Variants in CEP43 observed in about 807,000 individuals in gnomAD.
CEP43 encodes the protein centrosomal protein 43.
Under a neutral mutation model 52.6 loss-of-function variants are expected in CEP43, and 36 were observed. That is an observed-to-expected ratio of 0.68 (90% CI 0.52 to 0.90). CEP43 has a LOEUF of 0.90. Among genes scored for constraint, CEP43 ranks in the 40% least tolerant of loss-of-function variants. The pLI is 0.00. For synonymous variants in CEP43, 192 were observed against 172.4 expected, an observed-to-expected ratio of 1.11 and a Z score of -0.89; for missense variants, 506 against 472.8, an observed-to-expected ratio of 1.07 and a Z score of -0.65.
At chr6:167,026,473 G>T in intron 9 of CEP43, 74 bp from the exon 10 acceptor site, 1 of 941,052 alleles carries the variant, frequency 1.1e-6, no homozygotes, top group South Asian at 1.4e-5. Flanking sequence ...ATTGAACAAC[G>T]ACAAAAATTG....
intron 7 of CEP43, among the ~76,000 whole-genome samples, chr6:167,016,995 T>TTA (rs1562527248): frequency 6.7e-6 from 1 of 150,208 alleles, no homozygotes; most frequent in Admixed American, 6.6e-5. Flanking sequence ...TATTTATTTT[T>TTA]TTTTTTTTTT....
chr6:167,031,053 T>C (rs1780460308), intron 10 of CEP43, among the ~76,000 whole-genome samples: 1 of 152,178 alleles, frequency 6.6e-6, no homozygotes, highest in Admixed American at 6.5e-5. Context: ...ACATTTTTTT[T>C]GAGACAGTAT....
At chr6:167,000,011 GA>G in intron 1 of CEP43, 48 bp from the exon 2 acceptor site, 1 of 1,512,118 alleles carries the variant, frequency 6.6e-7, no homozygotes, top group Non-Finnish European at 9.2e-7. Flanking sequence ...AGCTTGTTGT[GA>G]AAATTGTCTT....
intron 7 of CEP43, among the ~76,000 whole-genome samples, chr6:167,022,066 C>T (rs1780245007): frequency 6.6e-6 from 1 of 152,080 alleles, no homozygotes; most frequent in South Asian, 2.1e-4. Context: ...GAAATTGTTT[C>T]TCAATGGGAA....
intron 8 of CEP43, among the ~76,000 whole-genome samples, chr6:167,023,237 T>C (rs540004896): frequency 1.3e-5 from 2 of 152,116 alleles, no homozygotes; most frequent in South Asian, 4.2e-4. Flanking sequence ...CGGCTTTTCT[T>C]TGAGACTGGA....
At chr6:167,013,478 G>T in intron 6 of CEP43, 30 bp from the exon 7 acceptor site, 1 of 1,560,042 alleles carries the variant, frequency 6.4e-7, no homozygotes, top group South Asian at 1.1e-5. Flanking sequence ...TCTATTTTGT[G>T]GTAAAATCTC....
chr6:167,029,575 G>A (rs73030105), intron 10 of CEP43, among the ~76,000 whole-genome samples: 3,090 of 152,338 alleles, frequency 0.02, 53 homozygotes, highest in East Asian at 0.092. Context: ...TGCTTAACCT[G>A]TATGTATTCT....
At chr6:167,006,078 G>A (rs1284259358) in intron 5 of CEP43, among the ~76,000 whole-genome samples, 1 of 152,200 alleles carries the variant, frequency 6.6e-6, no homozygotes, top group East Asian at 1.9e-4. Flanking sequence ...TCTGCAACAT[G>A]GAGATCACAG....
At chr6:167,030,018 C>T (rs551501827) in intron 10 of CEP43, among the ~76,000 whole-genome samples, 1 of 152,218 alleles carries the variant, frequency 6.6e-6, no homozygotes, top group Non-Finnish European at 1.5e-5. Context: ...AGAAACAAAT[C>T]ACAATGGTGG....
In CEP43 at chr6:167,050,804, A is replaced by AAAAAG. The variant is rs1562539565; in HGVS notation, c.*10826_*10827insAAAAG. Reference sequence around the variant, plus strand: ...AAGAAAAAAAAAAAAAAAAAAAAAAAGAAAGAAAATGAGACATTGGATTTG... The same window carrying AAAAAG: ...AAGAAAAAAAAAAAAAAAAAAAAAAAAAAAGGAAAGAAAATGAGACATTGGATTTG... On this transcript the variant is annotated 3_prime_UTR_variant, in exon 13 of 13. Transcript: ENST00000366847. The AAAAAG allele has an allele frequency of 7.0e-6, 1 of 143,224 alleles. No homozygotes were observed. The highest frequency in any genetic ancestry group is 2.6e-5 in the African/African-American group (1 of 39,164). The allele number at this position is 143,224 out of a possible 1,614,324, so 8.9% of individuals were successfully genotyped here.
intron 12 of CEP43, chr6:167,036,320 T>C (rs1483612921): frequency 1.0e-6 from 1 of 985,204 alleles, no homozygotes; most frequent in Non-Finnish European, 1.2e-6. Flanking sequence ...ATTCCAGAGC[T>C]TCACTGGAGG....
At chr6:167,022,736 T>C in intron 8 of CEP43, 101 bp downstream of exon 8, 1 of 798,404 alleles carries the variant, frequency 1.3e-6, no homozygotes, top group Non-Finnish European at 2.0e-6. Context: ...AGGTTTATAA[T>C]TATTGGATCC....
intron 10 of CEP43, among the ~76,000 whole-genome samples, chr6:167,032,141 C>T (rs1019122749): frequency 2.0e-5 from 3 of 152,192 alleles, no homozygotes; most frequent in Admixed American, 2.0e-4. Flanking sequence ...AGGCCTGAGC[C>T]TGGCTCTGTC....
intron 7 of CEP43, among the ~76,000 whole-genome samples, chr6:167,018,934 T>G (rs901329214): frequency 3.9e-5 from 6 of 152,194 alleles, no homozygotes; most frequent in African/African-American, 1.4e-4. Flanking sequence ...TTTTTGACTT[T>G]ATGATGGTAC....
intron 12 of CEP43, among the ~76,000 whole-genome samples, chr6:167,039,418 T>TG (rs1245297412): frequency 6.6e-6 from 1 of 152,242 alleles, no homozygotes; most frequent in Non-Finnish European, 1.5e-5. Flanking sequence ...CATGAGCCAC[T>TG]GCGCCTGGCC....
intron 6 of CEP43, among the ~76,000 whole-genome samples, chr6:167,012,987 G>A (rs763828511): frequency 1.3e-5 from 2 of 152,124 alleles, no homozygotes; most frequent in African/African-American, 2.4e-5. Flanking sequence ...AATTTCTCTA[G>A]TACTAAAGGA....
intron 10 of CEP43, among the ~76,000 whole-genome samples, chr6:167,031,879 C>T (rs1780478642): frequency 6.6e-6 from 1 of 151,930 alleles, no homozygotes; most frequent in Non-Finnish European, 1.5e-5. Context: ...GAAGGTGCCC[C>T]CTCTGTCAGA....
intron 12 of CEP43, chr6:167,036,661 C>G: frequency 1.5e-5 from 15 of 985,134 alleles, no homozygotes; most frequent in Non-Finnish European, 1.8e-5. Context: ...TCCTTTGTTT[C>G]CCTTTCAAGA....
At position 166,999,505 on chromosome 6, in the gene CEP43, C is replaced by G. The variant is rs768817890; in HGVS notation, c.93C>G (p.Asn31Lys). ...CGCTGGAGAACAGCGGGGTCCTGAA[C>G]CGCATCAAGGTGAGGCCGGAGGCTG... ...VQTLENSGVL[N>K]RIKAELRAAV... is the part of the protein sequence containing the mutation. The change falls in exon 1 of 13, where the codon AAC becomes AAG. Residue 31 changes from asparagine to lysine, a missense_variant. Transcript: ENST00000366847. 2.7e-6 allele frequency: 4 copies of G among 1,458,990 alleles called. No individual in the cohort carries two copies. Among genetic ancestry groups the G allele is most frequent in the South Asian group, 2.8e-5 (2 of 72,522 alleles). 90.4% of individuals were successfully genotyped at this position (1,458,990 alleles called of 1,614,324 possible).
Sources: gnomAD v4.1 joint callset for allele counts (sites outside exome capture counted in the v4.1 genomes callset) on GRCh38, gnomAD v4.1.1 for gene constraint, MANE v1.5 for transcripts, NCBI Gene and HGNC (gene_info 2026-07-23, HGNC 2026-07-21) for gene names.